Variants in BICDL1 observed in about 807,000 individuals in gnomAD.
The protein encoded by BICDL1 is BICD family-like cargo adapter 1.
A neutral mutation model predicts 76.8 loss-of-function variants in BICDL1; 20 were observed. The ratio of observed to expected loss-of-function variants is 0.26; its 90% CI spans 0.18 to 0.38. BICDL1 has a LOEUF of 0.38. BICDL1 is among the 10% of genes least tolerant of loss of function. BICDL1 has a pLI of 1.00. For missense variants in BICDL1, 700 were observed against 798.6 expected, an observed-to-expected ratio of 0.88 and a Z score of 1.49; for synonymous variants, 383 against 337.1, an observed-to-expected ratio of 1.14 and a Z score of -1.49.
chr12:120,013,140 G>A (rs907082099), intron 2 of BICDL1, among the ~76,000 whole-genome samples: 1 of 151,766 alleles, frequency 6.6e-6, no homozygotes, highest in African/African-American at 2.4e-5. Context: ...GCGAAACCCC[G>A]TCTCTACTAA....
intron 4 of BICDL1, among the ~76,000 whole-genome samples, chr12:120,068,685 G>A (rs554193716): frequency 2.0e-5 from 3 of 152,310 alleles, no homozygotes; most frequent in African/African-American, 7.2e-5. Flanking sequence ...ACATGGCGGC[G>A]CATGCCTGTG....
At chr12:120,035,564 C>G (rs2138783005) in intron 2 of BICDL1, among the ~76,000 whole-genome samples, 1 of 152,294 alleles carries the variant, frequency 6.6e-6, no homozygotes, top group African/African-American at 2.4e-5. Context: ...AGGCAGCTGA[C>G]TCTAAAACCC....
intron 4 of BICDL1, among the ~76,000 whole-genome samples, chr12:120,067,451 T>G (rs529243176): frequency 6.6e-6 from 1 of 152,364 alleles, no homozygotes; most frequent in East Asian, 1.9e-4. Context: ...CTTGGTGTCA[T>G]TCTTATTCAT....
intron 2 of BICDL1, among the ~76,000 whole-genome samples, chr12:120,015,100 C>T (rs1038620374): frequency 6.6e-6 from 1 of 152,206 alleles, no homozygotes; most frequent in Admixed American, 6.5e-5. Context: ...CCTCCCTTGC[C>T]CCAAGACCAG....
At chr12:120,030,214 A>T (rs1952394558) in intron 2 of BICDL1, among the ~76,000 whole-genome samples, 1 of 152,224 alleles carries the variant, frequency 6.6e-6, no homozygotes, top group East Asian at 1.9e-4. Context: ...TGTATTAGTA[A>T]CTATATTTAG....
chr12:120,061,838 GAC>G lies in BICDL1; in HGVS notation c.762+16_762+17del, dbSNP rs746787066. The G allele has an allele frequency of 6.3e-7, 1 of 1,587,400 alleles. No individual in the cohort carries two copies. Among genetic ancestry groups the G allele is most frequent in the East Asian group, 2.2e-5 (1 of 44,738 alleles). On this transcript the variant is annotated intron_variant, in intron 3 of 9. Transcript: ENST00000548673. ...GCCTTCAGGCCGAGGTGAGCCTCCCGACACAGCAGTGCTGGAAGGTGGAGTGC... is the reference window on the plus strand; with the variant it reads ...GCCTTCAGGCCGAGGTGAGCCTCCCGACAGCAGTGCTGGAAGGTGGAGTGC...
At chr12:120,042,019 G>C (rs1952651861) in intron 2 of BICDL1, among the ~76,000 whole-genome samples, 1 of 152,148 alleles carries the variant, frequency 6.6e-6, no homozygotes, top group Admixed American at 6.5e-5. Context: ...GCAGAGAGTA[G>C]GCTGTAGGAG....
intron 2 of BICDL1, chr12:120,019,282 G>A (rs1286271540): frequency 6.6e-6 from 1 of 151,836 alleles, no homozygotes; most frequent in Non-Finnish European, 1.5e-5. Flanking sequence ...AAGTCTATCT[G>A]GCTTAGTGAA....
chr12:120,003,413 A>C (rs1206737539), intron 2 of BICDL1, among the ~76,000 whole-genome samples: 5 of 152,222 alleles, frequency 3.3e-5, no homozygotes, highest in African/African-American at 1.2e-4. Flanking sequence ...ATGATTATCT[A>C]AAATACCCAA....
At chr12:120,000,151 A>G (rs3742043) in intron 2 of BICDL1, 20,393 of 154,132 alleles carry the variant, frequency 0.13, 1,666 homozygotes, top group East Asian at 0.4. Flanking sequence ...GGAGAGGGAG[A>G]AAGAAAGAAG....
intron 2 of BICDL1, among the ~76,000 whole-genome samples, chr12:120,020,394 T>C (rs1952154687): frequency 6.6e-6 from 1 of 152,216 alleles, no homozygotes; most frequent in African/African-American, 2.4e-5. Flanking sequence ...TCAGAGTCTG[T>C]TATATTGTAA....
At chr12:120,092,468 G>C (rs532347553) in intron 9 of BICDL1, 12 of 985,488 alleles carry the variant, frequency 1.2e-5, no homozygotes, top group Middle Eastern at 5.2e-4. Context: ...TGCCACGTGA[G>C]GCTGCCGTTG....
chr12:120,048,096 C>A (rs1005179351), intron 2 of BICDL1, among the ~76,000 whole-genome samples: 3 of 152,088 alleles, frequency 2.0e-5, no homozygotes, highest in African/African-American at 7.2e-5. Flanking sequence ...CTCATTATTA[C>A]TGAAATTCCT....
At chr12:120,070,383 G>C (rs925791098) in intron 4 of BICDL1, among the ~76,000 whole-genome samples, 8 of 152,108 alleles carry the variant, frequency 5.3e-5, no homozygotes, top group Non-Finnish European at 1.2e-4. Context: ...TTCCACAGTG[G>C]CACAGTGTAA....
Position 120,090,057 on chromosome 12 carries a change from C to G in BICDL1, c.1690C>G (p.Leu564Val). The G allele has an allele frequency of 6.2e-7, 1 of 1,613,998 alleles. No individual in the cohort carries two copies. The highest frequency in any genetic ancestry group is 1.1e-5 in the South Asian group (1 of 91,074). ...GCAGAAACTGAACCTCTCGCAGCAGCTGGAAGCTTGGCAGGTAAACTGGAG... is the reference window on the plus strand; with the variant it reads ...GCAGAAACTGAACCTCTCGCAGCAGGTGGAAGCTTGGCAGGTAAACTGGAG... The part of the protein sequence containing the change: ...IQQKLNLSQQ[L>V]EAWQDDMHRV... Residue 564 changes from leucine (L) to valine (V), a missense_variant, in exon 9 of 10, where the codon CTG (leucine) becomes GTG (valine). By Grantham distance (32) the Leu-to-Val change is conservative (BLOSUM62 1). Around this residue, in one of 3 missense-constraint regions of BICDL1, gnomAD observed 455 missense variants for 548.7 expected, o/e 0.83. Transcript: ENST00000548673.
At chr12:120,021,738 C>G (rs1344607866) in intron 2 of BICDL1, among the ~76,000 whole-genome samples, 2 of 150,924 alleles carry the variant, frequency 1.3e-5, no homozygotes, top group Non-Finnish European at 3.0e-5. Context: ...AACCCTGTCC[C>G]CACTAAAAAT....
chr12:120,035,543 A>T (rs552576760), intron 2 of BICDL1, among the ~76,000 whole-genome samples: 1 of 152,168 alleles, frequency 6.6e-6, no homozygotes. Flanking sequence ...CTGAACTGGG[A>T]TTCACATCAA....
chr12:120,087,886 T>C (rs1874561374), intron 8 of BICDL1, among the ~76,000 whole-genome samples: 1 of 152,272 alleles, frequency 6.6e-6, no homozygotes, highest in Non-Finnish European at 1.5e-5. Context: ...CACCCAGAGA[T>C]AACCAACTAG....
At chr12:120,083,762 C>T (rs749399270) in intron 8 of BICDL1, among the ~76,000 whole-genome samples, 3 of 151,946 alleles carry the variant, frequency 2.0e-5, no homozygotes, top group East Asian at 1.9e-4. Context: ...CAGGTTCGAG[C>T]GATTCTCCTG....
Sources: allele counts gnomAD v4.1 joint callset (sites outside exome capture counted in the v4.1 genomes callset), GRCh38; gene constraint gnomAD v4.1.1; regional missense constraint gnomAD v4.1.1; transcripts MANE v1.5; gene names NCBI Gene and HGNC (gene_info 2026-07-23, HGNC 2026-07-21).